TP53BP2: variants seen among roughly 807,000 people sequenced by gnomAD.
TP53BP2 encodes the protein apoptosis-stimulating of p53 protein 2.
In TP53BP2, 62 loss-of-function variants were observed where a neutral mutation model predicts 126.2. That is an observed-to-expected ratio of 0.49 (90% CI 0.40 to 0.61). The LOEUF (loss-of-function observed/expected upper bound fraction) is 0.61, where lower values mean the gene tolerates loss of function less well. Among genes scored for constraint, TP53BP2 ranks in the 20% least tolerant of loss-of-function variants. The pLI is 0.00. For synonymous variants in TP53BP2, 485 were observed against 502.9 expected (o/e 0.96, Z 0.48); for missense variants, 1,215 against 1,402.8 (o/e 0.87, Z 2.14).
chr1:223,828,616 A>T (rs1036439565), intron 1 of TP53BP2, among the ~76,000 whole-genome samples: 2 of 152,238 alleles, frequency 1.3e-5, no homozygotes, highest in Non-Finnish European at 2.9e-5. Context: ...ACATCTTAAA[A>T]GTCCACTATA....
chr1:223,792,600 T>C (rs955923239), intron 14 of TP53BP2, 78 bp from the exon 15 acceptor site: 1 of 1,489,632 alleles, frequency 6.7e-7, no homozygotes, highest in Non-Finnish European at 9.2e-7. Flanking sequence ...TCCTTTAGGG[T>C]CAAGAGGACA....
rs1662829273 is a variant in TP53BP2 at position 223,809,267 on chromosome 1, T to C, written c.372+1164A>G. 3.9e-5 allele frequency among the ~76,000 whole-genome samples: 6 copies of C among 152,194 alleles called. No homozygotes were observed. In the South Asian group the frequency reaches 1.2e-3, roughly 32 times the overall value. ...TCATCTTTTCATCATTGTAAGATAA[T>C]TATTAAATCAAAGAAAAGCTCAGGC... On this transcript the variant is annotated intron_variant, in intron 4 of 17. Coordinates refer to ENST00000343537, the MANE Select transcript of TP53BP2 (RefSeq NM_001031685.3).
intron 1 of TP53BP2, among the ~76,000 whole-genome samples, chr1:223,826,373 C>G (rs1003674052): frequency 3.9e-5 from 6 of 152,170 alleles, no homozygotes; most frequent in Admixed American, 3.9e-4. Flanking sequence ...TTCTGCATTT[C>G]TAACAAGCCC....
chr1:223,823,145 T>C (rs918163633), intron 1 of TP53BP2, among the ~76,000 whole-genome samples: 1 of 152,138 alleles, frequency 6.6e-6, no homozygotes, highest in Non-Finnish European at 1.5e-5. Flanking sequence ...ATGACCACAA[T>C]GACAGGAGGA....
Position 223,807,613 on chromosome 1 carries a change from T to TA in TP53BP2, c.373-667dup, listed in dbSNP as rs36017111. ...AGGTTACATAGCAAGACTGCAGGAT[T>TA]AAAAAAAAAAAAATCAATATGCAAA... On this transcript the variant is annotated intron_variant, in intron 4 of 17. Coordinates refer to ENST00000343537, the MANE Select transcript of TP53BP2 (RefSeq NM_001031685.3). 2.9e-3 allele frequency among the ~76,000 whole-genome samples: 418 copies of TA among 145,172 alleles called. 1 individual carries two copies. The highest frequency in any genetic ancestry group is 8.7e-3 in the African/African-American group (345 of 39,640).
chr1:223,804,834 T>C (rs1389168136), intron 5 of TP53BP2, among the ~76,000 whole-genome samples: 1 of 152,196 alleles, frequency 6.6e-6, no homozygotes, highest in African/African-American at 2.4e-5. Context: ...AAAACAGGGA[T>C]GATCAATAGT....
rs1254946545 is a variant in TP53BP2 at position 223,803,514 on chromosome 1, AG to A, written c.650-63del. The A allele has an allele frequency of 2.7e-6, 4 of 1,475,732 alleles. No homozygotes were observed. In the African/African-American group the frequency reaches 5.6e-5, roughly 21 times the overall value. The allele number at this position is 1,475,732 out of a possible 1,614,324, so 91.4% of individuals were successfully genotyped here. On this transcript the variant is annotated intron_variant, in intron 6 of 17. Transcript: ENST00000343537. ...GAAAAATAAGAATGGACTACTTCCC[AG>A]GCAACCGGGCTTTACAATGAACTTT... is the stretch of plus-strand genomic sequence containing the variant.
intron 1 of TP53BP2, among the ~76,000 whole-genome samples, chr1:223,824,823 T>C (rs995562159): frequency 1.3e-5 from 2 of 152,060 alleles, no homozygotes; most frequent in Non-Finnish European, 2.9e-5. Flanking sequence ...CTCTGTGCTC[T>C]ATCAGCGTCC....
chr1:223,814,447 G>T, intron 2 of TP53BP2, 94 bp from the exon 3 acceptor site: 1 of 896,486 alleles, frequency 1.1e-6, no homozygotes, highest in Non-Finnish European at 1.8e-6. Flanking sequence ...TATACATTAT[G>T]GATACAACAA....
At position 223,796,505 on chromosome 1, in the gene TP53BP2, G is replaced by C. The variant is rs752663484; in HGVS notation, c.2034C>G (p.Gly678=). The C allele has an allele frequency of 6.2e-7, 1 of 1,613,936 alleles. No homozygotes were observed. Among genetic ancestry groups the C allele is most frequent in the African/African-American group, 1.3e-5 (1 of 74,862 alleles). The change falls in exon 13 of 18, where the codon GGC becomes GGG. Residue 678 remains glycine, a synonymous_variant. Coordinates refer to ENST00000343537, the MANE Select transcript of TP53BP2 (RefSeq NM_001031685.3). The surrounding 1 kb of genome is among the most constrained non-coding windows in gnomAD (Gnocchi z 4.2). The part of the protein sequence containing the change: ...NIYSNSQGKP[G]SPEPETEPVS... Reference sequence around the variant, plus strand: ...CAGGCTCTGTTTCAGGTTCTGGACTGCCAGGCTTGCCCTGGCTATTGGAAT... The same window carrying C: ...CAGGCTCTGTTTCAGGTTCTGGACTCCCAGGCTTGCCCTGGCTATTGGAAT...
In TP53BP2 at chr1:223,814,202, G is replaced by A. The variant is rs3753048; in HGVS notation, c.289+38C>T. 13,933 of 1,483,962 alleles carry A rather than the reference G, an allele frequency of 9.4e-3. 827 individuals carry two copies. The East Asian group carries it at 0.12, about 12-fold the overall frequency. 91.9% of individuals were successfully genotyped at this position (1,483,962 alleles called of 1,614,324 possible). ...CTACTACTCCCAGCACAAAATAAAA[G>A]CTTAAATATCTGTCACGATTCACAG... On this transcript the variant is annotated intron_variant, in intron 3 of 17. Transcript: ENST00000343537.
Position 223,802,148 on chromosome 1 carries a change from T to C in TP53BP2, c.1193A>G (p.Asn398Ser), listed in dbSNP as rs1662546166. ...TTGTGAAGCAGCCCCAGATCTCATGTTGGGCAGTGTCTGTATTTTCATCGG... is the reference window on the plus strand; with the variant it reads ...TTGTGAAGCAGCCCCAGATCTCATGCTGGGCAGTGTCTGTATTTTCATCGG... ...EGPMKIQTLP[N>S]MRSGAASQTK... Residue 398 changes from asparagine to serine, a missense_variant, in exon 9 of 18, where the codon AAC becomes AGC. Asn to Ser is a conservative substitution (Grantham distance 46, BLOSUM62 1). Coordinates refer to ENST00000343537, the MANE Select transcript of TP53BP2 (RefSeq NM_001031685.3). 6.2e-7 allele frequency: 1 copy of C among 1,614,044 alleles called. No homozygotes were observed. Among genetic ancestry groups the C allele is most frequent in the African/African-American group, 1.3e-5 (1 of 74,918 alleles).
intron 3 of TP53BP2, among the ~76,000 whole-genome samples, chr1:223,812,671 C>T (rs199905204): frequency 1.3e-5 from 2 of 152,142 alleles, no homozygotes; most frequent in Admixed American, 6.5e-5. Context: ...GCGATTCTCC[C>T]GCCTCAGCCT....
Position 223,780,758 on chromosome 1 carries a change from AAAAT to A in TP53BP2, c.*91_*94del, listed in dbSNP as rs1661742896. On this transcript the variant is annotated 3_prime_UTR_variant, in exon 18 of 18. Transcript: ENST00000343537. ...ATCGCTTTCAAGCTACATTGTCATT[AAAAT>A]AAGTCTTGTGAAATTTTTGCCAAAA... The A allele has an allele frequency of 1.7e-6, 2 of 1,201,174 alleles. No individual in the cohort carries two copies. The highest frequency in any genetic ancestry group is 2.4e-6 in the Non-Finnish European group (2 of 827,462). 74.4% of individuals were successfully genotyped at this position (1,201,174 alleles called of 1,614,324 possible). A position where few individuals can be genotyped will look rare whatever the true frequency, so the allele number is the denominator to read the frequency against.
intron 12 of TP53BP2, among the ~76,000 whole-genome samples, chr1:223,797,659 C>T (rs1219652659): frequency 6.6e-6 from 1 of 152,122 alleles, no homozygotes; most frequent in Non-Finnish European, 1.5e-5. Flanking sequence ...GACCCGCCCA[C>T]CTTGGCCTCC....
intron 2 of TP53BP2, among the ~76,000 whole-genome samples, chr1:223,815,691 C>T (rs1663061719): frequency 6.6e-6 from 1 of 152,228 alleles, no homozygotes; most frequent in East Asian, 1.9e-4. Context: ...GCTCTCAAAG[C>T]TCCCTACTAA....
At chr1:223,818,924 C>T (rs1663193820) in intron 2 of TP53BP2, among the ~76,000 whole-genome samples, 1 of 151,840 alleles carries the variant, frequency 6.6e-6, no homozygotes, top group Non-Finnish European at 1.5e-5. Flanking sequence ...GTGGCTCACA[C>T]CTGTAATCCC....
chr1:223,780,822 T>C lies in TP53BP2; in HGVS notation c.*31A>G, dbSNP rs1448097087. On this transcript the variant is annotated 3_prime_UTR_variant, in exon 18 of 18. Transcript: ENST00000343537. ...TTACTTCTTCTTAACAGAGATTAAT[T>C]CTTCATTGACTAAAATTCTGTGTGG... 4.4e-6 allele frequency: 7 copies of C among 1,608,902 alleles called. No individual in the cohort carries two copies. The highest frequency in any genetic ancestry group is 5.9e-6 in the Non-Finnish European group (7 of 1,178,298).
At chr1:223,794,050 T>A (rs776255374) in intron 13 of TP53BP2, among the ~76,000 whole-genome samples, 1 of 152,106 alleles carries the variant, frequency 6.6e-6, no homozygotes, top group Non-Finnish European at 1.5e-5. Flanking sequence ...CCAGAATGCC[T>A]CCTCGGGGGA....
Sources: allele counts gnomAD v4.1 joint callset (sites outside exome capture counted in the v4.1 genomes callset), GRCh38; gene constraint gnomAD v4.1.1; non-coding constraint Gnocchi (gnomAD v3.1); transcripts MANE v1.5; gene names NCBI Gene and HGNC (gene_info 2026-07-23, HGNC 2026-07-21).